Variants in PCK2 observed in about 807,000 individuals in gnomAD.
PCK2 encodes the protein phosphoenolpyruvate carboxykinase 2, mitochondrial.
Under a neutral mutation model 65.9 loss-of-function variants are expected in PCK2, and 56 were observed. The observed-to-expected ratio is 0.85, with a 90% CI of 0.69 to 1.06. The LOEUF is 1.06. PCK2 is among the 50% of genes least tolerant of loss of function. The probability of loss-of-function intolerance (pLI) is 0.00; values close to 1 mark genes in which losing one functional copy is unlikely to be tolerated. For synonymous variants in PCK2, 305 were observed against 319.6 expected, an observed-to-expected ratio of 0.95 and a Z score of 0.49; for missense variants, 843 against 863.1, an observed-to-expected ratio of 0.98 and a Z score of 0.29.
rs1198114381 is a variant in PCK2 at position 24,098,695 on chromosome 14, C to T, written c.664+17C>T. ...CAGGACAAGGTAAGCACCTGCTCTG[C>T]CCCAAGGGGAACACAGAGGCCTTCT... is the stretch of plus-strand genomic sequence containing the variant. On this transcript the variant is annotated intron_variant, in intron 4 of 9. Transcript: ENST00000216780. The T allele has an allele frequency of 6.2e-7, 1 of 1,605,644 alleles. No homozygotes were observed. Among genetic ancestry groups the T allele is most frequent in the Non-Finnish European group, 8.5e-7 (1 of 1,173,492 alleles).
In PCK2 at chr14:24,094,914, G is replaced by A. The variant is rs55646187; in HGVS notation, c.29+480G>A. On this transcript the variant is annotated intron_variant, in intron 1 of 9. Transcript: ENST00000216780. The surrounding 1 kb of genome is among the most constrained non-coding windows in gnomAD (Gnocchi z 4.1). ...GGTGGAAGGTTAAATATCCATTCCC[G>A]GCCTCTCCCGGACTGGAAGGACTGG... The A allele has an allele frequency of 0.075, 86,862 of 1,164,688 alleles. 3,517 individuals are homozygous for A. The highest frequency in any genetic ancestry group is 0.12 in the African/African-American group (7,338 of 63,314). The allele number at this position is 1,164,688 out of a possible 1,614,324, so 72.1% of individuals were successfully genotyped here. A position where few individuals can be genotyped will look rare whatever the true frequency, so the allele number is the denominator to read the frequency against.
upstream of PCK2, chr14:24,094,289 GC>G: frequency 9.7e-7 from 1 of 1,033,118 alleles, no homozygotes; most frequent in Non-Finnish European, 1.4e-6. The surrounding 1 kb of genome is among the most constrained non-coding windows in gnomAD (Gnocchi z 4.1). Context: ...TCCTTTTTAA[GC>G]GCCTCCCGCC....
intron 2 of PCK2, among the ~76,000 whole-genome samples, chr14:24,097,743 G>A (rs533868132): frequency 3.3e-5 from 5 of 151,972 alleles, no homozygotes; most frequent in South Asian, 2.1e-4. Flanking sequence ...ACAAGCATGC[G>A]CCACCACACC....
chr14:24,100,073 C>A lies in PCK2; in HGVS notation c.1094C>A (p.Ala365Asp), dbSNP rs1183338526. 1 of 1,612,938 alleles carries A rather than the reference C, an allele frequency of 6.2e-7. No individual in the cohort carries two copies. The change falls in exon 7 of 10, where the codon GCC (alanine) becomes GAC (aspartate). Residue 365 changes from alanine (A) to aspartate (D), a missense_variant. Transcript: ENST00000216780. The part of the protein sequence containing the change: ...PGTSATTNPN[A>D]MATIQSNTIF... ...ACCTCTGCCACCACCAATCCCAACG[C>A]CATGGCTACAATCCAGAGTAACACT...
rs974553732 is a variant in PCK2 at position 24,100,106 on chromosome 14, C to G, written c.1127C>G (p.Thr376Ser). ...MATIQSNTIFTNVAETSDGGV... is the reference protein window; with the variant it reads ...MATIQSNTIFSNVAETSDGGV... ...ACAATCCAGAGTAACACTATTTTTA[C>G]CAATGTGGCTGAGACCAGTGATGGT... Residue 376 changes from threonine (T) to serine (S), a missense_variant, in exon 7 of 10, where the codon ACC becomes AGC. Transcript: ENST00000216780. The G allele has an allele frequency of 4.3e-6, 7 of 1,612,420 alleles. No homozygotes were observed. Among genetic ancestry groups the G allele is most frequent in the Non-Finnish European group, 4.2e-6 (5 of 1,179,098 alleles).
Position 24,102,836 on chromosome 14 carries a change from G to T in PCK2, c.1318G>T (p.Ala440Ser). 1 of 1,613,928 alleles carries T rather than the reference G, an allele frequency of 6.2e-7. No homozygotes were observed. ...QCPIMDPAWE[A>S]PEGVPIDAII... ...CCCCATCATGGACCCAGCCTGGGAG[G>T]CCCCAGAGGGTGTCCCCATTGACGC... The change falls in exon 8 of 10, where the codon GCC (alanine) becomes TCC (serine). Residue 440 changes from alanine to serine, a missense_variant. Ala to Ser is a moderately conservative substitution (Grantham distance 99, BLOSUM62 1). Transcript: ENST00000216780.
intron 5 of PCK2, 81 bp from the exon 6 acceptor site, chr14:24,099,477 A>G: frequency 2.3e-6 from 3 of 1,328,766 alleles, no homozygotes; most frequent in Non-Finnish European, 3.1e-6. Context: ...TCCCTATTAG[A>G]CCCTAGCTGC....
intron 7 of PCK2, 66 bp downstream of exon 7, chr14:24,100,279 T>C: frequency 2.5e-6 from 4 of 1,585,142 alleles, no homozygotes; most frequent in Non-Finnish European, 3.4e-6. Flanking sequence ...GGAAAAGCTT[T>C]CTCCACAACC....
At position 24,098,272 on chromosome 14, in the gene PCK2, T is replaced by A. The variant is rs2036986425; in HGVS notation, c.345T>A (p.Ser115=). The A allele has an allele frequency of 6.2e-7, 1 of 1,613,966 alleles. No homozygotes were observed. The highest frequency in any genetic ancestry group is 1.7e-5 in the Admixed American group (1 of 59,998). The change falls in exon 3 of 10, where the codon TCT becomes TCA. Residue 115 remains serine (S), a synonymous_variant. Transcript: ENST00000216780. ...GCAAGACGGTGATTGTAACTCCTTC[T>A]CAGCGGGACACGGTACCACTCCCGC... ...VESKTVIVTP[S]QRDTVPLPPG...
chr14:24,098,477 C>T lies in PCK2; in HGVS notation c.463C>T (p.Arg155Cys), dbSNP rs141787425. 1.2e-4 allele frequency: 196 copies of T among 1,613,850 alleles called. No homozygotes were observed. Among genetic ancestry groups the T allele is most frequent in the Middle Eastern group, 1.6e-4 (1 of 6,084 alleles). Residue 155 changes from arginine to cysteine, a missense_variant and splice_region_variant, in exon 4 of 10, where the codon CGC (arginine) becomes TGC (cysteine). Transcript: ENST00000216780. ...DERFPGCMQG[R>C]TMYVLPFSMG... ...CCAGGGGATGCCTTCCTCCACAGGC[C>T]GCACCATGTATGTGCTTCCATTCAG...
intron 5 of PCK2, 109 bp downstream of exon 5, chr14:24,099,345 C>A: frequency 8.6e-7 from 1 of 1,162,248 alleles, no homozygotes; most frequent in Non-Finnish European, 1.2e-6. Context: ...GGCTGGTGGG[C>A]GGGGACTCTA....
intron 1 of PCK2, chr14:24,095,209 T>G (rs1219774948): frequency 2.2e-6 from 1 of 456,030 alleles, no homozygotes; most frequent in Non-Finnish European, 4.4e-6. Flanking sequence ...GCAGCCCTTG[T>G]GGGTGGTCTC....
intron 7 of PCK2, chr14:24,100,648 A>G (rs752446123): frequency 8.5e-6 from 8 of 941,638 alleles, no homozygotes; most frequent in Non-Finnish European, 1.0e-5. Context: ...AGCACTATCC[A>G]TAAAGTTTGG....
At chr14:24,096,240 T>C (rs1356923776) in intron 1 of PCK2, among the ~76,000 whole-genome samples, 1 of 131,854 alleles carries the variant, frequency 7.6e-6, no homozygotes, top group Non-Finnish European at 1.6e-5. Flanking sequence ...TTTTTTTTTT[T>C]TTTTTTTTTT....
At chr14:24,103,105 G>A in intron 8 of PCK2, 55 bp from the exon 9 acceptor site, 1 of 1,410,900 alleles carries the variant, frequency 7.1e-7, no homozygotes, top group Non-Finnish European at 1.0e-6. Context: ...CAGAAGGGCT[G>A]GAGTTAGGGT....
At chr14:24,103,001 G>A (rs1281522805) in intron 8 of PCK2, 111 bp downstream of exon 8, 1 of 1,325,104 alleles carries the variant, frequency 7.5e-7, no homozygotes, top group East Asian at 2.3e-5. Flanking sequence ...TTTCTCCAGA[G>A]TTCTCCCCTG....
At position 24,104,000 on chromosome 14, in the gene PCK2, C is replaced by G; in HGVS notation, c.*36C>G. The G allele has an allele frequency of 5.3e-6, 8 of 1,495,840 alleles. No individual in the cohort carries two copies. Among genetic ancestry groups the G allele is most frequent in the Non-Finnish European group, 7.4e-6 (8 of 1,075,786 alleles). 92.7% of individuals were successfully genotyped at this position (1,495,840 alleles called of 1,614,324 possible). ...TAGTCTAGCAAGAGGACATAGCACC[C>G]TCATCTGGGAATAGGGAAGGCACCT... On this transcript the variant is annotated 3_prime_UTR_variant, in exon 10 of 10. Transcript: ENST00000216780.
chr14:24,098,739 C>A, intron 4 of PCK2, 61 bp downstream of exon 4: 1 of 1,384,490 alleles, frequency 7.2e-7, no homozygotes, highest in Non-Finnish European at 1.0e-6. Context: ...GAGGAAATCC[C>A]AAATCCTACC....
At position 24,099,183 on chromosome 14, in the gene PCK2, C is replaced by G. The variant is rs202246749; in HGVS notation, c.799C>G (p.Arg267Gly). 53 of 1,607,302 alleles carry G rather than the reference C, an allele frequency of 3.3e-5. No individual in the cohort carries two copies. Among genetic ancestry groups the G allele is most frequent in the Admixed American group, 5.0e-5 (3 of 59,980 alleles). Reference sequence around the variant, plus strand: ...GCTGGGCAAGAAGTGCTTTGCCCTACGCATCGCCTCTCGGCTGGCCCGGGA... The same window carrying G: ...GCTGGGCAAGAAGTGCTTTGCCCTAGGCATCGCCTCTCGGCTGGCCCGGGA... ...SLLGKKCFAL[R>G]IASRLARDEG... The change falls in exon 5 of 10, where the codon CGC becomes GGC. Residue 267 changes from arginine to glycine, a missense_variant. By Grantham distance (125) the Arg-to-Gly change is moderately radical. Coordinates refer to ENST00000216780, the MANE Select transcript of PCK2 (RefSeq NM_004563.4).
Sources: gnomAD v4.1 joint callset for allele counts (sites outside exome capture counted in the v4.1 genomes callset) on GRCh38, gnomAD v4.1.1 for gene constraint, Gnocchi (gnomAD v3.1) non-coding constraint, MANE v1.5 for transcripts, NCBI Gene and HGNC (gene_info 2026-07-23, HGNC 2026-07-21) for gene names.